MAPK14: variants seen among roughly 807,000 people sequenced by gnomAD.
The protein encoded by MAPK14 is CSAID-binding protein.
Under a neutral mutation model 49.6 loss-of-function variants are expected in MAPK14, and 16 were observed. The ratio of observed to expected loss-of-function variants is 0.32; its 90% CI spans 0.22 to 0.49. The LOEUF (loss-of-function observed/expected upper bound fraction) is 0.49, where lower values mean the gene tolerates loss of function less well. Ranked by LOEUF, MAPK14 falls within the 20% of genes least tolerant of loss-of-function variation. MAPK14 has a pLI of 0.99. For synonymous variants in MAPK14, 142 were observed against 158.0 expected (o/e 0.90, Z 0.76); for missense variants, 200 against 441.2 (o/e 0.45, Z 4.90).
chr6:36,041,055 T>G (rs935494290), intron 1 of MAPK14, among the ~76,000 whole-genome samples: 7 of 152,144 alleles, frequency 4.6e-5, no homozygotes, highest in African/African-American at 1.7e-4. Context: ...AAGATCAGCC[T>G]TCTTTGATTT....
At chr6:36,062,269 C>T (rs929172181) in intron 3 of MAPK14, among the ~76,000 whole-genome samples, 8 of 152,184 alleles carry the variant, frequency 5.3e-5, no homozygotes, top group African/African-American at 1.4e-4. Context: ...AGCCGCCACA[C>T]CCAGCCATTT....
intron 1 of MAPK14, among the ~76,000 whole-genome samples, chr6:36,035,348 C>T (rs1186756696): frequency 6.6e-6 from 1 of 152,198 alleles, no homozygotes; most frequent in Non-Finnish European, 1.5e-5. Context: ...GAACCATGCC[C>T]ATAGGCAGAC....
At chr6:36,105,808 A>G (rs908933546) in intron 10 of MAPK14, among the ~76,000 whole-genome samples, 2 of 152,196 alleles carry the variant, frequency 1.3e-5, no homozygotes, top group African/African-American at 4.8e-5. Context: ...CACCCTCCAC[A>G]TTTAAGGAGT....
rs531163385 is a variant in MAPK14 at position 36,039,664 on chromosome 6, T to G, written c.116+11391T>G. Among the ~76,000 whole-genome samples, 7 of 152,306 alleles carry G rather than the reference T, an allele frequency of 4.6e-5. No individual in the cohort carries two copies. The South Asian group carries it at 1.5e-3, about 32-fold the overall frequency. ...TATTTCCAGTGCACTATACTAGATA[T>G]TTTGTTTACAGAGATTTTAAAAAAA... On this transcript the variant is annotated intron_variant, in intron 1 of 11. Coordinates refer to ENST00000229794, the MANE Select transcript of MAPK14 (RefSeq NM_139012.3).
At chr6:36,038,587 C>T (rs1260838173) in intron 1 of MAPK14, among the ~76,000 whole-genome samples, 3 of 152,154 alleles carry the variant, frequency 2.0e-5, no homozygotes, top group Admixed American at 6.5e-5. Context: ...ACCCATTCTA[C>T]CCTAAACCAC....
At chr6:36,032,887 T>G (rs1762595733) in intron 1 of MAPK14, among the ~76,000 whole-genome samples, 1 of 152,124 alleles carries the variant, frequency 6.6e-6, no homozygotes, top group Non-Finnish European at 1.5e-5. Context: ...AAATACAACT[T>G]CCTAAGTGCT....
intron 1 of MAPK14, among the ~76,000 whole-genome samples, chr6:36,039,434 T>C (rs1446908860): frequency 1.3e-5 from 2 of 151,934 alleles, no homozygotes; most frequent in African/African-American, 4.8e-5. Flanking sequence ...TCTTAGGCCT[T>C]GGTGATATTG....
At chr6:36,051,240 T>C (rs1229035843) in intron 1 of MAPK14, among the ~76,000 whole-genome samples, 8 of 151,736 alleles carry the variant, frequency 5.3e-5, no homozygotes, top group Non-Finnish European at 7.4e-5. Flanking sequence ...CTCAGCCTCC[T>C]GAGTAGCTGG....
At chr6:36,102,865 T>TG in intron 10 of MAPK14, 1 of 289,658 alleles carries the variant, frequency 3.5e-6, no homozygotes. Context: ...AACTTGGGAT[T>TG]GGGGGAATGG....
Position 36,035,192 on chromosome 6 carries a change from C to T in MAPK14, c.116+6919C>T, listed in dbSNP as rs148046747. Among the ~76,000 whole-genome samples the T allele has an allele frequency of 9.4e-3, 1,427 of 152,158 alleles. 17 individuals are homozygous for T. Among genetic ancestry groups the T allele is most frequent in the African/African-American group, 0.031 (1,307 of 41,504 alleles). Reference sequence around the variant, plus strand: ...GATTACAGGTGTGAGCCACCATGCCCGGCAGTTCTGCTGGGATTACAGGTG... The same window carrying T: ...GATTACAGGTGTGAGCCACCATGCCTGGCAGTTCTGCTGGGATTACAGGTG... On this transcript the variant is annotated intron_variant, in intron 1 of 11. Coordinates refer to ENST00000229794, the MANE Select transcript of MAPK14 (RefSeq NM_139012.3).
chr6:36,051,023 C>T (rs1011799308), intron 1 of MAPK14, among the ~76,000 whole-genome samples: 2 of 151,982 alleles, frequency 1.3e-5, no homozygotes, highest in African/African-American at 4.8e-5. Flanking sequence ...TTGGTGATAA[C>T]AGATGACCAG....
At chr6:36,124,012 AG>A in the MAPK14 span, among the ~76,000 whole-genome samples, 1 of 149,234 alleles carries the variant, frequency 6.7e-6, no homozygotes, top group East Asian at 2.0e-4. Context: ...GTCTTCCACC[AG>A]GGGGTGCTAA....
intron 8 of MAPK14, among the ~76,000 whole-genome samples, chr6:36,090,564 C>T (rs1192772030): frequency 2.2e-4 from 32 of 144,892 alleles, no homozygotes; most frequent in African/African-American, 2.4e-4. Context: ...CTCGCTCTGT[C>T]GCCCAGGCTG....
Position 36,035,731 on chromosome 6 carries a change from G to A in MAPK14, c.116+7458G>A, listed in dbSNP as rs372051925. Among the ~76,000 whole-genome samples, 20 of 152,342 alleles carry A rather than the reference G, an allele frequency of 1.3e-4. No individual in the cohort carries two copies. The East Asian group carries it at 2.5e-3, about 19-fold the overall frequency. The stretch of plus-strand genomic sequence containing the variant: ...AACACAGCCTTGTTGCTGAGCTGGA[G>A]AAAGTTTTAGTGGTCTGGATAAAAG... On this transcript the variant is annotated intron_variant, in intron 1 of 11. Transcript: ENST00000229794.
intron 1 of MAPK14, among the ~76,000 whole-genome samples, chr6:36,041,312 GT>G (rs201107945): frequency 6.6e-6 from 1 of 150,924 alleles, no homozygotes; most frequent in Admixed American, 6.6e-5. Context: ...CCATTGGTCA[GT>G]TTTTTCTTCC....
At chr6:36,042,053 CAA>C in intron 1 of MAPK14, among the ~76,000 whole-genome samples, 1 of 151,416 alleles carries the variant, frequency 6.6e-6, no homozygotes, top group East Asian at 1.9e-4. Flanking sequence ...AAACATAAAC[CAA>C]GAGAATAGAT....
At chr6:36,042,224 TA>T (rs1348458686) in intron 1 of MAPK14, among the ~76,000 whole-genome samples, 1 of 152,156 alleles carries the variant, frequency 6.6e-6, no homozygotes, top group African/African-American at 2.4e-5. Context: ...GTTGCATTTC[TA>T]AAAAGTCTAC....
intron 8 of MAPK14, among the ~76,000 whole-genome samples, chr6:36,090,827 T>C (rs1765196904): frequency 6.6e-6 from 1 of 152,240 alleles, no homozygotes; most frequent in Admixed American, 6.5e-5. Flanking sequence ...AAATATTTTA[T>C]TAGGTTATTT....
chr6:36,116,573 C>T, the MAPK14 span, among the ~76,000 whole-genome samples: 3 of 152,178 alleles, frequency 2.0e-5, no homozygotes, highest in African/African-American at 4.8e-5. Context: ...GAATCCCACT[C>T]TGCACAGTGG....
Sources: gnomAD v4.1 joint callset for allele counts (sites outside exome capture counted in the v4.1 genomes callset) on GRCh38, gnomAD v4.1.1 for gene constraint, MANE v1.5 for transcripts, NCBI Gene and HGNC (gene_info 2026-07-23, HGNC 2026-07-21) for gene names.